The following B4GALT6 variants were observed in gnomAD, a reference collection of about 807,000 sequenced individuals.
B4GALT6 encodes beta-1,4-galactosyltransferase 6.
A neutral mutation model predicts 46.3 loss-of-function variants in B4GALT6; 14 were observed. That is an observed-to-expected ratio of 0.30 (90% CI 0.20 to 0.47). The LOEUF is 0.47. B4GALT6 is among the 20% of genes least tolerant of loss of function. The probability of loss-of-function intolerance (pLI) is 0.99; values close to 1 mark genes in which losing one functional copy is unlikely to be tolerated. For synonymous variants in B4GALT6, 168 were observed against 162.0 expected, an observed-to-expected ratio of 1.04 and a Z score of -0.28; for missense variants, 386 against 480.1, an observed-to-expected ratio of 0.80 and a Z score of 1.83.
the B4GALT6 span, among the ~76,000 whole-genome samples, chr18:31,721,425 A>G: frequency 7.2e-5 from 11 of 152,296 alleles, no homozygotes; most frequent in African/African-American, 2.2e-4. Context: ...TACATTATAA[A>G]CCATCATGAA....
chr18:31,677,809 C>T lies in B4GALT6; in HGVS notation c.115+6503G>A, dbSNP rs1791223. Among the ~76,000 whole-genome samples the T allele has an allele frequency of 8.3e-4, 127 of 152,124 alleles. 1 individual carries two copies. Among genetic ancestry groups the T allele is most frequent in the African/African-American group, 2.8e-3 (115 of 41,514 alleles). ...GGACAGCCAGCTTAGGCTGGCAAACCGCAGGCTCAGGCAGTGGTGACAAAA... is the reference window on the plus strand; with the variant it reads ...GGACAGCCAGCTTAGGCTGGCAAACTGCAGGCTCAGGCAGTGGTGACAAAA... On this transcript the variant is annotated intron_variant, in intron 1 of 8. Transcript: ENST00000306851.
In B4GALT6 at chr18:31,666,294, C is replaced by T; in HGVS notation, c.194G>A (p.Arg65Lys). ...CGTACTGTTTTTATTTGTGTACAGC[C>T]TGATCATATGACCTATTGTTTTCAC... ...ENVKTIGHMI[R>K]LYTNKNSTLN... is the part of the protein sequence containing the mutation. The change falls in exon 2 of 9, where the codon AGG becomes AAG. Residue 65 changes from arginine (R) to lysine (K), a missense_variant. By Grantham distance (26) the Arg-to-Lys change is conservative. This residue lies in a region of B4GALT6 where 323 missense variants were observed against 438.9 expected (regional missense o/e 0.74). Transcript: ENST00000306851. 1 of 1,608,790 alleles carries T rather than the reference C, an allele frequency of 6.2e-7. No homozygotes were observed. The highest frequency in any genetic ancestry group is 8.5e-7 in the Non-Finnish European group (1 of 1,177,212).
At chr18:31,684,215 G>A in intron 1 of B4GALT6, 97 bp downstream of exon 1, 1 of 1,574,186 alleles carries the variant, frequency 6.4e-7, no homozygotes, top group Non-Finnish European at 8.6e-7. Flanking sequence ...GCGGGCCCCT[G>A]TTTGAACAGC....
chr18:31,642,960 A>ATCC (rs1399227740), intron 4 of B4GALT6, among the ~76,000 whole-genome samples: 1 of 152,200 alleles, frequency 6.6e-6, no homozygotes, highest in Non-Finnish European at 1.5e-5. Flanking sequence ...CTGCATTGGT[A>ATCC]TTTTTCTCAT....
upstream of B4GALT6, among the ~76,000 whole-genome samples, chr18:31,688,258 T>TACATATATATATATATAC (rs151146927): frequency 0.024 from 3,507 of 148,602 alleles, 112 homozygotes; most frequent in East Asian, 0.097. Flanking sequence ...TATATATATA[T>TACATATATATATATATAC]ACATATATAT....
At chr18:31,721,406 C>A in the B4GALT6 span, among the ~76,000 whole-genome samples, 1 of 151,916 alleles carries the variant, frequency 6.6e-6, no homozygotes, top group Non-Finnish European at 1.5e-5. Flanking sequence ...TAGTAGAATG[C>A]CTAACATATA....
At chr18:31,691,289 TTACA>T in the B4GALT6 span, among the ~76,000 whole-genome samples, 1 of 86,698 alleles carries the variant, frequency 1.2e-5, no homozygotes, top group Admixed American at 1.3e-4. Flanking sequence ...TTACATAATT[TTACA>T]TATATATATA....
chr18:31,659,448 G>A (rs970060783), intron 2 of B4GALT6, among the ~76,000 whole-genome samples: 1 of 152,178 alleles, frequency 6.6e-6, no homozygotes, highest in Non-Finnish European at 1.5e-5. Context: ...ACTGCTGAAT[G>A]AAAGAGGCCC....
the B4GALT6 span, among the ~76,000 whole-genome samples, chr18:31,713,336 C>T: frequency 6.6e-6 from 1 of 152,150 alleles, no homozygotes; most frequent in Admixed American, 6.5e-5. Flanking sequence ...CGGGCAATAG[C>T]GTGAGATTCC....
At chr18:31,709,228 GT>G in the B4GALT6 span, among the ~76,000 whole-genome samples, 4 of 150,932 alleles carry the variant, frequency 2.7e-5, no homozygotes, top group African/African-American at 9.8e-5. Context: ...TCAAATTTAT[GT>G]ATTTTTTTTT....
chr18:31,676,814 T>TAATCAG (rs2074420063), intron 1 of B4GALT6, among the ~76,000 whole-genome samples: 1 of 152,198 alleles, frequency 6.6e-6, no homozygotes, highest in African/African-American at 2.4e-5. Flanking sequence ...TGTTAAAAAT[T>TAATCAG]AATCAGAATC....
intron 1 of B4GALT6, among the ~76,000 whole-genome samples, chr18:31,672,154 G>C (rs1204721957): frequency 6.6e-6 from 1 of 152,142 alleles, no homozygotes; most frequent in African/African-American, 2.4e-5. Context: ...CTGTTTCCTG[G>C]GCTTTGCAGG....
chr18:31,639,056 C>T (rs935735996), intron 4 of B4GALT6, among the ~76,000 whole-genome samples: 3 of 152,158 alleles, frequency 2.0e-5, no homozygotes, highest in Non-Finnish European at 4.4e-5. Flanking sequence ...ACTACAAAGA[C>T]TACTTTGGTG....
At chr18:31,699,274 CTT>C in the B4GALT6 span, among the ~76,000 whole-genome samples, 389 of 136,262 alleles carry the variant, frequency 2.9e-3, 1 homozygote, top group African/African-American at 6.5e-3. Context: ...TTCTTTCTTT[CTT>C]TTTTTTTTTT....
intron 1 of B4GALT6, among the ~76,000 whole-genome samples, chr18:31,671,795 C>T (rs1432327831): frequency 6.6e-6 from 1 of 152,146 alleles, no homozygotes; most frequent in Non-Finnish European, 1.5e-5. Context: ...TAATTAAAAC[C>T]ATGCTGTGTG....
intron 5 of B4GALT6, among the ~76,000 whole-genome samples, chr18:31,632,093 T>A (rs1418100513): frequency 6.6e-6 from 1 of 152,136 alleles, no homozygotes; most frequent in African/African-American, 2.4e-5. Flanking sequence ...TTACCAGTGT[T>A]TTAGCAACAT....
intron 5 of B4GALT6, among the ~76,000 whole-genome samples, chr18:31,633,908 AAAG>A (rs1381409769): frequency 6.6e-6 from 1 of 152,200 alleles, no homozygotes; most frequent in African/African-American, 2.4e-5. Context: ...TGGGCCAGCA[AAAG>A]AAGGGGACTT....
the B4GALT6 span, among the ~76,000 whole-genome samples, chr18:31,706,871 C>T: frequency 2.0e-5 from 3 of 152,242 alleles, no homozygotes; most frequent in Non-Finnish European, 4.4e-5. Context: ...ATCAGAGAAA[C>T]TTACTGAGTG....
At chr18:31,708,012 G>T in the B4GALT6 span, among the ~76,000 whole-genome samples, 1 of 152,022 alleles carries the variant, frequency 6.6e-6, no homozygotes, top group Non-Finnish European at 1.5e-5. Context: ...TCTTTTTGAT[G>T]GCTGCATAGT....
Sources: gnomAD v4.1 joint callset for allele counts (sites outside exome capture counted in the v4.1 genomes callset) on GRCh38, gnomAD v4.1.1 for gene constraint, gnomAD v4.1.1 regional missense constraint, MANE v1.5 for transcripts, NCBI Gene and HGNC (gene_info 2026-07-23, HGNC 2026-07-21) for gene names.